The following SLC16A7 variants were observed in gnomAD, a reference collection of about 807,000 sequenced individuals.
The protein encoded by SLC16A7 is solute carrier family 16 member 7.
A neutral mutation model predicts 34.9 loss-of-function variants in SLC16A7; 33 were observed. The ratio of observed to expected loss-of-function variants is 0.94; its 90% confidence interval spans 0.72 to 1.26. The LOEUF (loss-of-function observed/expected upper bound fraction) is 1.26. SLC16A7 is among the 50% of genes most tolerant of loss of function. SLC16A7 has a pLI of 0.00. For missense variants in SLC16A7, 573 were observed against 578.1 expected (o/e 0.99, Z 0.09); for synonymous variants, 201 against 206.6 (o/e 0.97, Z 0.23).
chr12:59,732,807 T>C (rs1422991769), intron 3 of SLC16A7, among the ~76,000 whole-genome samples: 2 of 152,222 alleles, frequency 1.3e-5, no homozygotes, highest in African/African-American at 4.8e-5. Context: ...GCTAGAGGCC[T>C]CCTTATCCTC....
At chr12:59,754,494 C>G (rs982012541) in intron 3 of SLC16A7, among the ~76,000 whole-genome samples, 2 of 152,182 alleles carry the variant, frequency 1.3e-5, no homozygotes, top group Admixed American at 6.6e-5. Flanking sequence ...CGCAAATAAA[C>G]TAGAAAATCT....
chr12:59,649,962 A>C (rs370954897), intron 1 of SLC16A7, among the ~76,000 whole-genome samples: 19 of 151,298 alleles, frequency 1.3e-4, no homozygotes, highest in African/African-American at 4.2e-4. Context: ...CTCCCCACCA[A>C]AAAAAAAGTT....
intron 3 of SLC16A7, among the ~76,000 whole-genome samples, chr12:59,745,132 C>T (rs768547808): frequency 6.6e-6 from 1 of 152,156 alleles, no homozygotes; most frequent in Non-Finnish European, 1.5e-5. Context: ...CATCCTTAGA[C>T]TGCTTCTCTT....
chr12:59,755,910 T>G (rs902974406), intron 3 of SLC16A7, among the ~76,000 whole-genome samples: 2 of 152,148 alleles, frequency 1.3e-5, no homozygotes, highest in South Asian at 2.1e-4. Context: ...AAAACAGAGA[T>G]ATAGATCAAT....
chr12:59,757,298 A>G (rs944175225), intron 3 of SLC16A7, among the ~76,000 whole-genome samples: 17 of 152,038 alleles, frequency 1.1e-4, no homozygotes, highest in Admixed American at 9.2e-4. Flanking sequence ...GAAATACCTA[A>G]TGTAGGTGAC....
At chr12:59,747,051 C>T (rs1257442740) in intron 3 of SLC16A7, among the ~76,000 whole-genome samples, 1 of 152,134 alleles carries the variant, frequency 6.6e-6, no homozygotes, top group African/African-American at 2.4e-5. Context: ...AGGCTAGTCT[C>T]TAAATCCTGT....
chr12:59,739,435 G>A (rs1198849837), intron 3 of SLC16A7, among the ~76,000 whole-genome samples: 1 of 137,836 alleles, frequency 7.3e-6, no homozygotes, highest in Non-Finnish European at 1.5e-5. Context: ...TCTGAATCCA[G>A]TCTATCATTG....
At chr12:59,757,531 A>G (rs1321998088) in intron 3 of SLC16A7, among the ~76,000 whole-genome samples, 1 of 152,200 alleles carries the variant, frequency 6.6e-6, no homozygotes, top group Non-Finnish European at 1.5e-5. Flanking sequence ...AGGCACTGGA[A>G]CTAAAGCAAA....
At chr12:59,722,779 G>A (rs1232231603) in intron 3 of SLC16A7, among the ~76,000 whole-genome samples, 1 of 151,656 alleles carries the variant, frequency 6.6e-6, no homozygotes, top group Non-Finnish European at 1.5e-5. Context: ...ATCTTCATTG[G>A]TTATGTTTTT....
intron 2 of SLC16A7, among the ~76,000 whole-genome samples, chr12:59,667,068 AG>A (rs1454143139): frequency 6.6e-6 from 1 of 152,210 alleles, no homozygotes; most frequent in African/African-American, 2.4e-5. Flanking sequence ...AGAGAAGATG[AG>A]AAAGAAGCAA....
intron 2 of SLC16A7, among the ~76,000 whole-genome samples, chr12:59,680,715 C>G (rs556016283): frequency 7.7e-4 from 117 of 151,678 alleles, no homozygotes; most frequent in African/African-American, 2.8e-3. Flanking sequence ...TTTTTTAGCC[C>G]TGTAGCCACT....
chr12:59,693,454 A>G (rs771474840), intron 2 of SLC16A7, among the ~76,000 whole-genome samples: 31 of 151,964 alleles, frequency 2.0e-4, no homozygotes, highest in South Asian at 2.1e-4. Context: ...CCTATGTGTT[A>G]CATATTTTTC....
intron 1 of SLC16A7, among the ~76,000 whole-genome samples, chr12:59,636,965 G>A (rs1002234626): frequency 5.9e-5 from 9 of 152,038 alleles, no homozygotes; most frequent in Non-Finnish European, 1.0e-4. Context: ...TAGAAGTCAA[G>A]TACCTCTGAC....
intron 3 of SLC16A7, among the ~76,000 whole-genome samples, chr12:59,708,861 T>A (rs1202086421): frequency 2.0e-5 from 3 of 151,598 alleles, no homozygotes; most frequent in African/African-American, 7.3e-5. Flanking sequence ...AGAATGCAAA[T>A]TATGTTTATA....
At chr12:59,620,934 T>C (rs981645570) in intron 1 of SLC16A7, among the ~76,000 whole-genome samples, 1 of 151,898 alleles carries the variant, frequency 6.6e-6, no homozygotes, top group Admixed American at 6.6e-5. Context: ...TCCTTAGCTA[T>C]GCAAAGTTGG....
intron 2 of SLC16A7, among the ~76,000 whole-genome samples, chr12:59,689,623 A>G (rs2137091111): frequency 6.6e-6 from 1 of 152,070 alleles, no homozygotes; most frequent in East Asian, 1.9e-4. Flanking sequence ...TAAAATGGGC[A>G]TTTTAATATA....
chr12:59,675,916 G>A (rs531797311), intron 2 of SLC16A7, among the ~76,000 whole-genome samples: 1 of 147,934 alleles, frequency 6.8e-6, no homozygotes. Flanking sequence ...AAATTCCCCA[G>A]ATATATATAT....
At chr12:59,647,868 A>G (rs548624252) in intron 1 of SLC16A7, among the ~76,000 whole-genome samples, 1 of 151,982 alleles carries the variant, frequency 6.6e-6, no homozygotes, top group East Asian at 1.9e-4. Flanking sequence ...CATGGTGACC[A>G]CAAAACATGG....
rs971081709 is a variant in SLC16A7, at chr12:59,787,193, G to A, written c.*7514G>A. 3 of 151,756 alleles carry A rather than the reference G, an allele frequency of 2.0e-5. No homozygotes were observed. Among genetic ancestry groups the A allele is most frequent in the Non-Finnish European group, 4.4e-5 (3 of 67,946 alleles). 9.4% of individuals were successfully genotyped at this position (151,756 alleles called of 1,614,324 possible). A position where few individuals can be genotyped will look rare whatever the true frequency, so the allele number is the denominator to read the frequency against. ...TGTTCATTTTTTTCTGAAGTAGAACGCCAGAGCACAGAACACACAGTTCAA... is the reference window on the plus strand; with the variant it reads ...TGTTCATTTTTTTCTGAAGTAGAACACCAGAGCACAGAACACACAGTTCAA... On this transcript the variant is annotated 3_prime_UTR_variant, in exon 6 of 6. Transcript: ENST00000547379.
Sources: allele counts gnomAD v4.1 joint callset (sites outside exome capture counted in the v4.1 genomes callset), GRCh38; gene constraint gnomAD v4.1.1; transcripts MANE v1.5; gene names NCBI Gene and HGNC (gene_info 2026-07-23, HGNC 2026-07-21).